Variants in CDYL observed in about 807,000 individuals in gnomAD.
CDYL encodes chromodomain Y like, also known as chromodomain Y-like protein.
CDYL carries 8 observed loss-of-function variants against 47.3 expected under a neutral mutation model. The ratio of observed to expected loss-of-function variants is 0.17; its 90% CI spans 0.10 to 0.31. CDYL has a LOEUF of 0.31. Ranked by LOEUF, CDYL falls within the 10% of genes least tolerant of loss-of-function variation. CDYL has a pLI of 1.00. For missense variants in CDYL, 471 were observed against 701.4 expected, an observed-to-expected ratio of 0.67 and a Z score of 3.71; for synonymous variants, 266 against 265.0, an observed-to-expected ratio of 1.00 and a Z score of -0.04.
intron 1 of CDYL, among the ~76,000 whole-genome samples, chr6:4,865,664 G>T (rs951668631): frequency 2.6e-5 from 4 of 152,218 alleles, no homozygotes; most frequent in Non-Finnish European, 4.4e-5. Context: ...GATCAGAGAT[G>T]ATCAGATTGG....
chr6:4,949,070 G>A (rs1758616408), intron 5 of CDYL, among the ~76,000 whole-genome samples: 2 of 152,240 alleles, frequency 1.3e-5, no homozygotes, highest in South Asian at 2.1e-4. Context: ...AATAGTGCAG[G>A]CTGTGTGGCC....
chr6:4,810,736 C>A (rs1480527515), intron 1 of CDYL, among the ~76,000 whole-genome samples: 1 of 152,210 alleles, frequency 6.6e-6, no homozygotes, highest in Non-Finnish European at 1.5e-5. Flanking sequence ...GAGGGCTGCT[C>A]TCTGCCCTTC....
chr6:4,828,252 CTTTTT>C (rs11324291), intron 1 of CDYL, among the ~76,000 whole-genome samples: 2,901 of 79,146 alleles, frequency 0.037, 136 homozygotes, highest in African/African-American at 0.12. Context: ...TAACTTTCAG[CTTTTT>C]TTTTTTTTTT....
chr6:4,876,456 A>G (rs894741675), intron 1 of CDYL, among the ~76,000 whole-genome samples: 4 of 152,194 alleles, frequency 2.6e-5, no homozygotes, highest in African/African-American at 9.7e-5. Flanking sequence ...AATCCTACCA[A>G]CGATGTATGA....
chr6:4,796,728 T>G (rs1759081610), intron 1 of CDYL, among the ~76,000 whole-genome samples: 1 of 152,184 alleles, frequency 6.6e-6, no homozygotes, highest in Non-Finnish European at 1.5e-5. Flanking sequence ...CCTTTTTATT[T>G]AAAAAAGTTT....
intron 2 of CDYL, among the ~76,000 whole-genome samples, chr6:4,918,844 CTT>C (rs1172651468): frequency 6.6e-6 from 1 of 152,174 alleles, no homozygotes; most frequent in Non-Finnish European, 1.5e-5. Context: ...TTACTAAAGA[CTT>C]TGCTGCTTTT....
At chr6:4,935,320 T>C (rs747580214) in intron 2 of CDYL, among the ~76,000 whole-genome samples, 195 bp from the exon 3 acceptor site, 2 of 152,260 alleles carry the variant, frequency 1.3e-5, no homozygotes, top group Non-Finnish European at 2.9e-5. Flanking sequence ...AGAGTGACTT[T>C]CTTGTCAGAG....
intron 2 of CDYL, among the ~76,000 whole-genome samples, chr6:4,895,757 C>T (rs1762264273): frequency 6.6e-6 from 1 of 152,082 alleles, no homozygotes. Context: ...TGCGCTTTCA[C>T]CACATGTGAA....
intron 1 of CDYL, among the ~76,000 whole-genome samples, chr6:4,842,020 T>G (rs1351432324): frequency 6.9e-6 from 1 of 145,532 alleles, no homozygotes; most frequent in African/African-American, 2.5e-5. Context: ...TATATTTGTA[T>G]TATTTGTAAT....
intron 1 of CDYL, among the ~76,000 whole-genome samples, chr6:4,794,276 G>A (rs1473708100): frequency 6.6e-6 from 1 of 152,128 alleles, no homozygotes; most frequent in Non-Finnish European, 1.5e-5. Flanking sequence ...TGGTGCACTG[G>A]AAGAAAACCT....
chr6:4,907,723 C>G (rs964800603), intron 2 of CDYL, among the ~76,000 whole-genome samples: 1 of 152,116 alleles, frequency 6.6e-6, no homozygotes, highest in Non-Finnish European at 1.5e-5. Context: ...ATCGCAAAAC[C>G]GGATTTCAAA....
At chr6:4,894,834 C>T (rs1042204123) in intron 2 of CDYL, among the ~76,000 whole-genome samples, 41 of 145,350 alleles carry the variant, frequency 2.8e-4, no homozygotes, top group Non-Finnish European at 4.8e-4. Flanking sequence ...CCACAAAAGT[C>T]GTGTGTGTGT....
chr6:4,842,432 A>T (rs1203234723), intron 1 of CDYL, among the ~76,000 whole-genome samples: 1 of 151,656 alleles, frequency 6.6e-6, no homozygotes, highest in Non-Finnish European at 1.5e-5. Context: ...TAATTGTTTT[A>T]TATGTTTAGG....
intron 2 of CDYL, among the ~76,000 whole-genome samples, chr6:4,724,159 G>A (rs1436246536): frequency 6.6e-5 from 10 of 151,988 alleles, no homozygotes; most frequent in African/African-American, 2.4e-4. Context: ...TCCTGCCTCA[G>A]CTTCCGAAGT....
intron 2 of CDYL, among the ~76,000 whole-genome samples, chr6:4,932,498 G>A (rs1758061364): frequency 6.6e-6 from 1 of 152,110 alleles, no homozygotes; most frequent in South Asian, 2.1e-4. Flanking sequence ...ATTTGGGTGA[G>A]ACACAGGCAT....
At chr6:4,825,592 C>A (rs1322546661) in intron 1 of CDYL, among the ~76,000 whole-genome samples, 1 of 152,104 alleles carries the variant, frequency 6.6e-6, no homozygotes, top group Non-Finnish European at 1.5e-5. Flanking sequence ...TTGAGGTGAT[C>A]CTGTGGTTTT....
intron 4 of CDYL, among the ~76,000 whole-genome samples, 157 bp from the exon 5 acceptor site, chr6:4,943,389 C>G (rs2127524741): frequency 6.6e-6 from 1 of 152,300 alleles, no homozygotes; most frequent in Non-Finnish European, 1.5e-5. Context: ...GTAAATAAGT[C>G]TAGGGTCCAC....
chr6:4,733,321 C>T (rs1757642563), intron 2 of CDYL: 1 of 152,030 alleles, frequency 6.6e-6, no homozygotes, highest in African/African-American at 2.4e-5. Flanking sequence ...AAGCCATGTC[C>T]CTGTTCCGCC....
At chr6:4,860,061 C>G (rs1422334473) in intron 1 of CDYL, among the ~76,000 whole-genome samples, 1 of 151,932 alleles carries the variant, frequency 6.6e-6, no homozygotes, top group East Asian at 1.9e-4. Flanking sequence ...GCCACTACCC[C>G]CAGCTAATTT....
Sources: allele counts gnomAD v4.1 joint callset (sites outside exome capture counted in the v4.1 genomes callset), GRCh38; gene constraint gnomAD v4.1.1; transcripts MANE v1.5; gene names NCBI Gene and HGNC (gene_info 2026-07-23, HGNC 2026-07-21).